The following SERGEF variants were observed in gnomAD, a reference collection of about 807,000 sequenced individuals.
SERGEF encodes secretion regulating guanine nucleotide exchange factor, also known as secretion-regulating guanine nucleotide exchange factor.
In SERGEF, 51 loss-of-function variants were observed where a neutral mutation model predicts 50.0. The ratio of observed to expected loss-of-function variants is 1.02; its 90% CI spans 0.81 to 1.29. The LOEUF is 1.29. SERGEF is among the 50% of genes most tolerant of loss of function. The pLI is 0.00. For missense variants in SERGEF, 521 were observed against 557.0 expected (o/e 0.94, Z 0.65); for synonymous variants, 205 against 212.4 (o/e 0.97, Z 0.30).
intron 10 of SERGEF, among the ~76,000 whole-genome samples, chr11:17,791,444 A>G (rs1009578988): frequency 1.3e-5 from 2 of 152,254 alleles, no homozygotes; most frequent in Non-Finnish European, 2.9e-5. Flanking sequence ...TAATAGTATT[A>G]TAATGTTGAA....
chr11:17,849,298 T>C (rs1850671187), intron 10 of SERGEF, among the ~76,000 whole-genome samples: 1 of 152,234 alleles, frequency 6.6e-6, no homozygotes, highest in Non-Finnish European at 1.5e-5. Flanking sequence ...TCAAATTCTA[T>C]GCATATTTTT....
intron 9 of SERGEF, among the ~76,000 whole-genome samples, chr11:17,897,431 G>A (rs1423541855): frequency 6.6e-6 from 1 of 152,162 alleles, no homozygotes; most frequent in Admixed American, 6.5e-5. Flanking sequence ...TTAATTATGT[G>A]CTGTTTTAAG....
intron 10 of SERGEF, among the ~76,000 whole-genome samples, chr11:17,854,254 C>T (rs916784074): frequency 2.0e-5 from 3 of 152,148 alleles, no homozygotes; most frequent in Non-Finnish European, 4.4e-5. Context: ...GAACCAACTC[C>T]CCGACTTCTC....
chr11:18,011,762 C>A (rs1854201629), intron 1 of SERGEF, among the ~76,000 whole-genome samples: 1 of 152,158 alleles, frequency 6.6e-6, no homozygotes, highest in African/African-American at 2.4e-5. Context: ...CAGTCTCCTG[C>A]CTGGAAAAAG....
intron 9 of SERGEF, among the ~76,000 whole-genome samples, chr11:17,957,836 A>G (rs1005152695): frequency 6.6e-6 from 1 of 152,160 alleles, no homozygotes; most frequent in African/African-American, 2.4e-5. Flanking sequence ...CTGCATAGCC[A>G]TTTTAAATGA....
chr11:18,007,496 C>G (rs556009365), intron 2 of SERGEF, among the ~76,000 whole-genome samples: 2 of 152,298 alleles, frequency 1.3e-5, no homozygotes, highest in East Asian at 1.9e-4. Flanking sequence ...AATATGCCCC[C>G]CTTTACAACA....
intron 9 of SERGEF, among the ~76,000 whole-genome samples, chr11:17,925,828 CA>C (rs1198858007): frequency 1.3e-5 from 2 of 152,170 alleles, no homozygotes; most frequent in Non-Finnish European, 2.9e-5. Context: ...GAATAAGACT[CA>C]AAAGACCTGA....
chr11:17,929,701 C>T (rs1320596058), intron 9 of SERGEF, among the ~76,000 whole-genome samples: 1 of 152,176 alleles, frequency 6.6e-6, no homozygotes, highest in Non-Finnish European at 1.5e-5. Flanking sequence ...GTTCCTGCCA[C>T]TCTAGCCTTC....
intron 10 of SERGEF, among the ~76,000 whole-genome samples, chr11:17,850,119 A>G (rs956459332): frequency 6.6e-6 from 1 of 152,144 alleles, no homozygotes. Context: ...GAGAGAGCTT[A>G]TATTTTTAAC....
intron 8 of SERGEF, among the ~76,000 whole-genome samples, chr11:17,972,543 G>T (rs211140): frequency 2.0e-5 from 3 of 152,192 alleles, no homozygotes; most frequent in African/African-American, 7.2e-5. Flanking sequence ...GTTTTATAGA[G>T]ATAATGCTAT....
chr11:17,851,500 C>T (rs1452259835), intron 10 of SERGEF, among the ~76,000 whole-genome samples: 1 of 152,082 alleles, frequency 6.6e-6, no homozygotes, highest in Non-Finnish European at 1.5e-5. Flanking sequence ...GCACATGAGG[C>T]TGCTCTGTGA....
chr11:17,861,221 C>A (rs1483450410), intron 10 of SERGEF, among the ~76,000 whole-genome samples: 1 of 152,224 alleles, frequency 6.6e-6, no homozygotes, highest in Non-Finnish European at 1.5e-5. Flanking sequence ...TCAGAGGAAA[C>A]AGAAACAGAC....
chr11:17,839,460 G>A (rs898323668), intron 10 of SERGEF, among the ~76,000 whole-genome samples: 1 of 152,132 alleles, frequency 6.6e-6, no homozygotes, highest in African/African-American at 2.4e-5. Context: ...CAAGAAACAT[G>A]CCACTCTCAG....
At chr11:17,958,907 C>T (rs574388957) in intron 9 of SERGEF, among the ~76,000 whole-genome samples, 3 of 152,052 alleles carry the variant, frequency 2.0e-5, no homozygotes, top group Admixed American at 6.5e-5. Context: ...CCCCCACCCC[C>T]CTCCAGGCTG....
intron 8 of SERGEF, among the ~76,000 whole-genome samples, chr11:17,975,010 A>C (rs1473835523): frequency 3.9e-5 from 6 of 152,188 alleles, no homozygotes; most frequent in African/African-American, 1.4e-4. Flanking sequence ...GGCCCAAACA[A>C]AACTCAATGT....
At chr11:17,887,614 C>T (rs192363623) in intron 9 of SERGEF, among the ~76,000 whole-genome samples, 3 of 152,276 alleles carry the variant, frequency 2.0e-5, no homozygotes, top group East Asian at 1.9e-4. Flanking sequence ...ACACTGCTGA[C>T]GGGAGTGTAA....
intron 10 of SERGEF, among the ~76,000 whole-genome samples, chr11:17,827,037 G>A (rs758699098): frequency 3.3e-5 from 5 of 152,316 alleles, no homozygotes; most frequent in South Asian, 4.1e-4. Flanking sequence ...ATATTAAATA[G>A]ATGCCTGGAT....
In SERGEF at chr11:17,884,951, C is replaced by T. The variant is rs1421606422; in HGVS notation, c.1012-6707G>A. On this transcript the variant is annotated intron_variant, in intron 9 of 10. Coordinates refer to ENST00000265965, the MANE Select transcript of SERGEF (RefSeq NM_012139.4). The surrounding 1 kb of genome is among the most constrained non-coding windows in gnomAD (Gnocchi z 4.6). The stretch of plus-strand genomic sequence containing the variant: ...CTCTGAGAAGTGGGAATCTGTCTCC[C>T]TACATAGCAGGCCAGCAAACCCGCT... Among the ~76,000 whole-genome samples, 1 of 152,130 alleles carries T rather than the reference C, an allele frequency of 6.6e-6. No homozygotes were observed.
At chr11:17,837,409 T>C (rs774499064) in intron 10 of SERGEF, among the ~76,000 whole-genome samples, 3 of 151,818 alleles carry the variant, frequency 2.0e-5, no homozygotes, top group Non-Finnish European at 4.4e-5. Flanking sequence ...CCCTAACGAA[T>C]AGTTGGATGC....
Sources: allele counts gnomAD v4.1 joint callset (sites outside exome capture counted in the v4.1 genomes callset), GRCh38; gene constraint gnomAD v4.1.1; non-coding constraint Gnocchi (gnomAD v3.1); transcripts MANE v1.5; gene names NCBI Gene and HGNC (gene_info 2026-07-23, HGNC 2026-07-21).